The following MTHFD2 variants were observed in gnomAD, a reference collection of about 807,000 sequenced individuals.
MTHFD2 encodes bifunctional methylenetetrahydrofolate dehydrogenase/cyclohydrolase, mitochondrial.
In MTHFD2, 26 loss-of-function variants were observed where a neutral mutation model predicts 36.8. The observed-to-expected ratio is 0.71, with a 90% CI of 0.52 to 0.98. The LOEUF (loss-of-function observed/expected upper bound fraction) is 0.98, where lower values mean the gene tolerates loss of function less well. Among genes scored for constraint, MTHFD2 ranks in the 50% least tolerant of loss-of-function variants. The pLI is 0.00. For synonymous variants in MTHFD2, 164 were observed against 155.2 expected (o/e 1.06, Z -0.42); for missense variants, 373 against 434.0 (o/e 0.86, Z 1.25).
At chr2:74,199,441 C>G (rs950977509) in intron 1 of MTHFD2, among the ~76,000 whole-genome samples, 1 of 152,186 alleles carries the variant, frequency 6.6e-6, no homozygotes, top group Non-Finnish European at 1.5e-5. Flanking sequence ...TGGAGAGTGA[C>G]AAGTACCCAT....
rs554505192 is a variant in MTHFD2, at chr2:74,214,102, A to G, written c.913A>G (p.Ile305Val). The change falls in exon 8 of 8, where the codon ATC (isoleucine) becomes GTC (valine). Residue 305 changes from isoleucine to valine, a missense_variant. Transcript: ENST00000394053. ...AGGAGTCAGACAAAAAGCTGGGTAT[A>G]TCACTCCAGTTCCTGGAGGTGTTGG... is the stretch of plus-strand genomic sequence containing the variant. ...FEGVRQKAGY[I>V]TPVPGGVGPM... 1.9e-6 allele frequency: 3 copies of G among 1,613,956 alleles called. No homozygotes were observed. Among genetic ancestry groups the G allele is most frequent in the East Asian group, 2.2e-5 (1 of 44,892 alleles).
chr2:74,209,021 G>A (rs78075238), intron 4 of MTHFD2, among the ~76,000 whole-genome samples: 11 of 148,760 alleles, frequency 7.4e-5, no homozygotes, highest in Admixed American at 3.4e-4. Flanking sequence ...TTACAGGCAC[G>A]TGCCACCATG....
rs1694484178 is a variant in MTHFD2, at chr2:74,217,532, G to T, written c.*3290G>T. Reference sequence around the variant, plus strand: ...TCACATGAATGGGAGTTTGACTTTGGGAATAAACATTGAAAATTTGCAGGG... The same window carrying T: ...TCACATGAATGGGAGTTTGACTTTGTGAATAAACATTGAAAATTTGCAGGG... On this transcript the variant is annotated 3_prime_UTR_variant, in exon 8 of 8. Transcript: ENST00000394053. 1 of 152,028 alleles carries T rather than the reference G, an allele frequency of 6.6e-6. No individual in the cohort carries two copies. Among genetic ancestry groups the T allele is most frequent in the Non-Finnish European group, 1.5e-5 (1 of 68,010 alleles). 9.4% of individuals were successfully genotyped at this position (152,028 alleles called of 1,614,324 possible).
At chr2:74,205,609 G>A in intron 1 of MTHFD2, 96 bp from the exon 2 acceptor site, 2 of 1,393,488 alleles carry the variant, frequency 1.4e-6, no homozygotes, top group Non-Finnish European at 1.9e-6. Flanking sequence ...CTCCCGAAGT[G>A]CTGGGATTAC....
At chr2:74,205,575 C>T in intron 1 of MTHFD2, 130 bp from the exon 2 acceptor site, 2 of 956,870 alleles carry the variant, frequency 2.1e-6, no homozygotes, top group South Asian at 3.4e-5. Context: ...AACTCCTGGG[C>T]TCAAGCCATC....
At chr2:74,210,787 T>TTG (rs1455877551) in intron 5 of MTHFD2, among the ~76,000 whole-genome samples, 1 of 148,732 alleles carries the variant, frequency 6.7e-6, no homozygotes, top group African/African-American at 2.5e-5. Flanking sequence ...TTAAGTCAGT[T>TTG]TTTTTTTTTT....
At chr2:74,211,574 A>C in intron 6 of MTHFD2, 167 bp from the exon 7 acceptor site, 1 of 634,870 alleles carries the variant, frequency 1.6e-6, no homozygotes, top group Non-Finnish European at 2.4e-6. Context: ...CAGGAGCCAA[A>C]ATAAAAAAAT....
At chr2:74,206,146 T>C in intron 2 of MTHFD2, 1 of 312,286 alleles carries the variant, frequency 3.2e-6, no homozygotes, top group Non-Finnish European at 6.0e-6. Flanking sequence ...TCTTAGTCTT[T>C]ATATTTGATA....
At chr2:74,202,259 CAT>C (rs893658351) in intron 1 of MTHFD2, among the ~76,000 whole-genome samples, 1 of 151,686 alleles carries the variant, frequency 6.6e-6, no homozygotes, top group Non-Finnish European at 1.5e-5. Flanking sequence ...TGTATATATA[CAT>C]ATATATATAA....
At chr2:74,213,540 T>C (rs1694358828) in intron 7 of MTHFD2, among the ~76,000 whole-genome samples, 1 of 152,174 alleles carries the variant, frequency 6.6e-6, no homozygotes. Context: ...ACACCCTGCC[T>C]CAGCCCCCCA....
Position 74,215,336 on chromosome 2 carries a change from G to GTT in MTHFD2, c.*1100_*1101dup, listed in dbSNP as rs1353638997. ...ATGACTCCTAGTTGTGACCTAACCAGTTTTTTTCTCATTTAATCAATGTAG... is the reference window on the plus strand; with the variant it reads ...ATGACTCCTAGTTGTGACCTAACCAGTTTTTTTTTCTCATTTAATCAATGTAG... On this transcript the variant is annotated 3_prime_UTR_variant, in exon 8 of 8. Transcript: ENST00000394053. The GTT allele has an allele frequency of 6.6e-6, 1 of 151,502 alleles. No individual in the cohort carries two copies. The highest frequency in any genetic ancestry group is 1.5e-5 in the Non-Finnish European group (1 of 67,904). The allele number at this position is 151,502 out of a possible 1,614,324, so 9.4% of individuals were successfully genotyped here.
At chr2:74,209,130 A>G (rs1276599023) in intron 4 of MTHFD2, among the ~76,000 whole-genome samples, 2 of 152,138 alleles carry the variant, frequency 1.3e-5, no homozygotes, top group Admixed American at 6.5e-5. Flanking sequence ...TCAGCCTCCC[A>G]GAGTGCTGGG....
chr2:74,209,078 G>T (rs1460449429), intron 4 of MTHFD2, among the ~76,000 whole-genome samples: 1 of 107,298 alleles, frequency 9.3e-6, no homozygotes, highest in Non-Finnish European at 1.8e-5. Flanking sequence ...TCACCATATT[G>T]ACCAAGCTGG....
chr2:74,211,384 A>C, intron 6 of MTHFD2, 93 bp downstream of exon 6: 1 of 770,188 alleles, frequency 1.3e-6, no homozygotes, highest in East Asian at 2.5e-5. Flanking sequence ...GCTGCTATTC[A>C]TCATTCCCCT....
chr2:74,215,655 C>G lies in MTHFD2; in HGVS notation c.*1413C>G, dbSNP rs1461718574. 1 of 152,464 alleles carries G rather than the reference C, an allele frequency of 6.6e-6. No homozygotes were observed. Among genetic ancestry groups the G allele is most frequent in the African/African-American group, 2.4e-5 (1 of 41,454 alleles). The allele number at this position is 152,464 out of a possible 1,614,324, so 9.4% of individuals were successfully genotyped here. A position where few individuals can be genotyped will look rare whatever the true frequency, so the allele number is the denominator to read the frequency against. ...ACTGAGTCTTGCTCTGTTGCCCAGG[C>G]TGGAGTGCAGTGGCATGATCTCGGG... On this transcript the variant is annotated 3_prime_UTR_variant, in exon 8 of 8. Transcript: ENST00000394053.
chr2:74,198,816 G>A, intron 1 of MTHFD2, 74 bp downstream of exon 1: 2 of 1,296,138 alleles, frequency 1.5e-6, no homozygotes, highest in Non-Finnish European at 2.1e-6. Context: ...CCGGGCCCCC[G>A]AGGGACACCG....
rs537463778 is a variant in MTHFD2 at position 74,215,600 on chromosome 2, C to T, written c.*1358C>T. On this transcript the variant is annotated 3_prime_UTR_variant, in exon 8 of 8. Transcript: ENST00000394053. ...AGAGCTTTGGAGAAACCAGCCTCGT[C>T]CTCCAGTCTCTTTGTTTGTTTGTTT... The T allele has an allele frequency of 1.3e-5, 2 of 152,296 alleles. No individual in the cohort carries two copies. Among genetic ancestry groups the T allele is most frequent in the African/African-American group, 4.8e-5 (2 of 41,496 alleles). The allele number at this position is 152,296 out of a possible 1,614,324, so 9.4% of individuals were successfully genotyped here.
chr2:74,208,958 C>T (rs1198047730), intron 4 of MTHFD2, among the ~76,000 whole-genome samples: 1 of 151,938 alleles, frequency 6.6e-6, no homozygotes, highest in Non-Finnish European at 1.5e-5. Context: ...ACTGCAGCCT[C>T]TGCCTCCTGA....
In MTHFD2 at chr2:74,208,589, A is replaced by G; in HGVS notation, c.430A>G (p.Ile144Val). Reference sequence around the variant, plus strand: ...TTCAGAGCATATTGATGAGAGAAGGATCTGCAATGCTGTTTCTCCAGACAA... The same window carrying G: ...TTCAGAGCATATTGATGAGAGAAGGGTCTGCAATGCTGTTTCTCCAGACAA... The part of the protein sequence containing the change: ...PLPEHIDERR[I>V]CNAVSPDKDV... The change falls in exon 4 of 8, where the codon ATC (isoleucine) becomes GTC (valine). Residue 144 changes from isoleucine (I) to valine (V), a missense_variant. Coordinates refer to ENST00000394053, the MANE Select transcript of MTHFD2 (RefSeq NM_006636.4). 1 of 1,614,174 alleles carries G rather than the reference A, an allele frequency of 6.2e-7. No homozygotes were observed.
Sources: allele counts gnomAD v4.1 joint callset (sites outside exome capture counted in the v4.1 genomes callset), GRCh38; gene constraint gnomAD v4.1.1; transcripts MANE v1.5; gene names NCBI Gene and HGNC (gene_info 2026-07-23, HGNC 2026-07-21).